ZC3H4: variants seen among roughly 807,000 people sequenced by gnomAD.
The protein encoded by ZC3H4 is zinc finger CCCH domain-containing protein 4.
A neutral mutation model predicts 108.3 loss-of-function variants in ZC3H4; 13 were observed. The observed-to-expected ratio is 0.12, with a 90% CI of 0.08 to 0.19. The LOEUF (loss-of-function observed/expected upper bound fraction) is 0.19. Ranked by LOEUF, ZC3H4 falls within the 10% of genes least tolerant of loss-of-function variation. The pLI, the probability that ZC3H4 is intolerant of heterozygous loss-of-function variation, is 1.00. For missense variants in ZC3H4, 1,734 were observed against 1,838.8 expected, an observed-to-expected ratio of 0.94 and a Z score of 1.04; for synonymous variants, 917 against 749.6, an observed-to-expected ratio of 1.22 and a Z score of -3.65.
chr19:47,069,490 G>A (rs902854766), intron 13 of ZC3H4, 147 bp from the exon 14 acceptor site: 7 of 1,051,022 alleles, frequency 6.7e-6, no homozygotes, highest in Middle Eastern at 2.8e-4. Flanking sequence ...AGGTCTCAGG[G>A]GAACAGAGCG....
At chr19:47,089,922 G>A (rs765977985) in intron 5 of ZC3H4, 45 bp downstream of exon 5, 2 of 1,607,822 alleles carry the variant, frequency 1.2e-6, no homozygotes. Context: ...GTTGGCCCGG[G>A]TGGCTCCGAT....
chr19:47,086,623 G>A (rs1341849457), intron 5 of ZC3H4, 85 bp from the exon 6 acceptor site: 1 of 1,475,274 alleles, frequency 6.8e-7, no homozygotes. Flanking sequence ...TGCTCCTGAG[G>A]TCAATCACTT....
rs1200674286 is a variant in ZC3H4, at chr19:47,070,069, G to A, written c.2147-726C>T. The stretch of plus-strand genomic sequence containing the variant: ...GCGTAGAGGGGAGGGCAGGCTCGGC[G>A]ACGCCTCCTGCATGTTGCGTGTGTG... On this transcript the variant is annotated intron_variant, in intron 13 of 14. Coordinates refer to ENST00000253048, the MANE Select transcript of ZC3H4 (RefSeq NM_015168.2). Among the ~76,000 whole-genome samples, 15 of 151,874 alleles carry A rather than the reference G, an allele frequency of 9.9e-5. No homozygotes were observed. The South Asian group carries it at 2.1e-3, about 21-fold the overall frequency.
chr19:47,089,780 C>T (rs542465139), intron 5 of ZC3H4, among the ~76,000 whole-genome samples, 187 bp downstream of exon 5: 4 of 152,332 alleles, frequency 2.6e-5, no homozygotes, highest in South Asian at 2.1e-4. Flanking sequence ...CCTGGTACCA[C>T]CCCAACCACA....
intron 10 of ZC3H4, among the ~76,000 whole-genome samples, chr19:47,081,867 A>G (rs2057529998): frequency 6.6e-6 from 1 of 152,180 alleles, no homozygotes; most frequent in African/African-American, 2.4e-5. Context: ...TCAGATGGTC[A>G]ACCAGACTAG....
rs1225526148 is a variant in ZC3H4, at chr19:47,081,576, A to G, written c.1377T>C (p.Asn459=). The change falls in exon 11 of 15, where the codon AAT becomes AAC. Residue 459 remains asparagine (N), a synonymous_variant. Coordinates refer to ENST00000253048, the MANE Select transcript of ZC3H4 (RefSeq NM_015168.2). ...KLYHTTGNCI[N]GDDCMFSHDP... ...CGTGGGAAAACATGCAGTCGTCACC[A>G]TTGATGCAGTTCCCAGTGGTGTGGT... The G allele has an allele frequency of 6.2e-7, 1 of 1,614,056 alleles. No homozygotes were observed. Among genetic ancestry groups the G allele is most frequent in the Non-Finnish European group, 8.5e-7 (1 of 1,180,010 alleles).
In ZC3H4 at chr19:47,065,317, T is replaced by C. The variant is rs541081173; in HGVS notation, c.*1039A>G. 6.5e-6 allele frequency: 1 copy of C among 152,726 alleles called. No homozygotes were observed. Among genetic ancestry groups the C allele is most frequent in the Admixed American group, 6.5e-5 (1 of 15,284 alleles). 9.5% of individuals were successfully genotyped at this position (152,726 alleles called of 1,614,324 possible). A position where few individuals can be genotyped will look rare whatever the true frequency, so the allele number is the denominator to read the frequency against. On this transcript the variant is annotated 3_prime_UTR_variant, in exon 15 of 15. Coordinates refer to ENST00000253048, the MANE Select transcript of ZC3H4 (RefSeq NM_015168.2). ...CCGAACACATCAATACCTCATGCCC[T>C]GCAGGTCACACAGTGTAAGGAGGTG...
At chr19:47,082,075 T>C (rs909935889) in intron 10 of ZC3H4, 109 bp downstream of exon 10, 93 of 957,428 alleles carry the variant, frequency 9.7e-5, no homozygotes, top group Admixed American at 2.0e-4. Context: ...AGAAAGCTCT[T>C]GGCACAGAGA....
intron 2 of ZC3H4, among the ~76,000 whole-genome samples, chr19:47,105,885 CCA>C (rs944994252): frequency 7.2e-5 from 11 of 152,266 alleles, no homozygotes; most frequent in Admixed American, 7.2e-4. Context: ...TGGCTATACC[CCA>C]CAGTCTGAAA....
rs776147257 is a variant in ZC3H4, at chr19:47,085,144, C to T, written c.1019G>A (p.Gly340Asp). The change falls in exon 8 of 15, where the codon GGT (glycine) becomes GAT (aspartate). Residue 340 changes from glycine to aspartate, a missense_variant. Coordinates refer to ENST00000253048, the MANE Select transcript of ZC3H4 (RefSeq NM_015168.2). The part of the protein sequence containing the change: ...RGSRGRGKGM[G>D]RGRGRGGSRG... Reference sequence around the variant, plus strand: ...GCTGCCACCTCGGCCTCGGCCCCGACCCATTCCTTTCCCTCGACCTCGGGA... The same window carrying T: ...GCTGCCACCTCGGCCTCGGCCCCGATCCATTCCTTTCCCTCGACCTCGGGA... 6.2e-7 allele frequency: 1 copy of T among 1,613,306 alleles called. No homozygotes were observed. The highest frequency in any genetic ancestry group is 8.5e-7 in the Non-Finnish European group (1 of 1,179,756).
At chr19:47,076,836 T>C (rs144434375) in intron 11 of ZC3H4, among the ~76,000 whole-genome samples, 1 of 151,762 alleles carries the variant, frequency 6.6e-6, no homozygotes, top group Non-Finnish European at 1.5e-5. Context: ...CTACTAAATA[T>C]ATAAAAATTA....
intron 11 of ZC3H4, among the ~76,000 whole-genome samples, chr19:47,079,989 G>A (rs1261489358): frequency 2.6e-5 from 4 of 152,266 alleles, no homozygotes; most frequent in East Asian, 3.9e-4. Flanking sequence ...ATTCTCCTAC[G>A]TCTGCTTGCA....
At chr19:47,070,865 C>T (rs2057313200) in intron 13 of ZC3H4, among the ~76,000 whole-genome samples, 1 of 152,210 alleles carries the variant, frequency 6.6e-6, no homozygotes, top group Non-Finnish European at 1.5e-5. Context: ...AAACACGGGG[C>T]TCCCACTGCC....
chr19:47,066,959 G>A lies in ZC3H4; in HGVS notation c.3309C>T (p.Pro1103=), dbSNP rs1296868016. 8 of 1,593,222 alleles carry A rather than the reference G, an allele frequency of 5.0e-6. No homozygotes were observed. The highest frequency in any genetic ancestry group is 3.4e-5 in the Admixed American group (2 of 58,294). ...RAAKPGPAEA[P]SPTASPSGDA... ...CCCCACTCGGGCTGGCGGTGGGAGA[G>A]GGCGCCTCAGCAGGGCCGGGCTTGG... The change falls in exon 15 of 15, where the codon CCC becomes CCT. Residue 1103 remains proline, a synonymous_variant. Transcript: ENST00000253048.
chr19:47,074,474 A>T (rs1340420101), intron 11 of ZC3H4, among the ~76,000 whole-genome samples: 1 of 152,236 alleles, frequency 6.6e-6, no homozygotes, highest in African/African-American at 2.4e-5. Flanking sequence ...CAGTTAGGAT[A>T]GCGTGCAGAA....
chr19:47,068,764 CAG>C (rs1424217672), intron 14 of ZC3H4, among the ~76,000 whole-genome samples: 9 of 152,222 alleles, frequency 5.9e-5, no homozygotes, highest in African/African-American at 1.4e-4. Flanking sequence ...GGTAGGAAAA[CAG>C]GGGCTGTGAG....
intron 8 of ZC3H4, 111 bp downstream of exon 8, chr19:47,084,945 G>A (rs7248181): frequency 1.4e-6 from 2 of 1,446,588 alleles, no homozygotes; most frequent in Non-Finnish European, 9.5e-7. Context: ...CAGCCCTTTG[G>A]GGGGTGGCTG....
rs1017477288 is a variant in ZC3H4, at chr19:47,100,454, A to G, written c.162-5846T>C. 2.0e-5 allele frequency among the ~76,000 whole-genome samples: 3 copies of G among 151,942 alleles called. No homozygotes were observed. In the East Asian group the frequency reaches 5.8e-4, roughly 29 times the overall value. ...ATGGTAACGTGCCTACGCCACGGCA[A>G]CCACCCAAGTGAGACACAAAACTGG... is the stretch of plus-strand genomic sequence containing the variant. On this transcript the variant is annotated intron_variant, in intron 2 of 14. Coordinates refer to ENST00000253048, the MANE Select transcript of ZC3H4 (RefSeq NM_015168.2).
At chr19:47,070,144 G>A (rs966107283) in intron 13 of ZC3H4, among the ~76,000 whole-genome samples, 4 of 151,852 alleles carry the variant, frequency 2.6e-5, no homozygotes, top group African/African-American at 7.3e-5. Context: ...AGGGGGGGGC[G>A]TCTGGAGTCA....
Sources: gnomAD v4.1 joint callset for allele counts (sites outside exome capture counted in the v4.1 genomes callset) on GRCh38, gnomAD v4.1.1 for gene constraint, MANE v1.5 for transcripts, NCBI Gene and HGNC (gene_info 2026-07-23, HGNC 2026-07-21) for gene names.